CNNM2: variants seen among roughly 807,000 people sequenced by gnomAD.
The protein encoded by CNNM2 is metal transporter CNNM2.
CNNM2 carries 12 observed loss-of-function variants against 66.9 expected under a neutral mutation model. That is an observed-to-expected ratio of 0.18 (90% confidence interval 0.11 to 0.29). The LOEUF (loss-of-function observed/expected upper bound fraction) is 0.29. CNNM2 is among the 10% of genes least tolerant of loss of function. The probability of loss-of-function intolerance (pLI) is 1.00; values close to 1 mark genes in which losing one functional copy is unlikely to be tolerated. For missense variants in CNNM2, 705 were observed against 1,167.7 expected (o/e 0.60, Z 5.77); for synonymous variants, 557 against 501.8 (o/e 1.11, Z -1.47).
At chr10:102,934,719 CT>C (rs1359953446) in intron 1 of CNNM2, among the ~76,000 whole-genome samples, 1 of 152,194 alleles carries the variant, frequency 6.6e-6, no homozygotes, top group Non-Finnish European at 1.5e-5. Context: ...TGGCACGCAC[CT>C]GTAGTCCTGG....
chr10:102,987,223 C>T (rs899477661), intron 1 of CNNM2, among the ~76,000 whole-genome samples: 4 of 152,086 alleles, frequency 2.6e-5, no homozygotes, highest in South Asian at 2.1e-4. Flanking sequence ...TATTCTAAAG[C>T]GGTAGTCCTC....
chr10:103,049,117 A>G (rs1195491414), intron 1 of CNNM2, among the ~76,000 whole-genome samples: 2 of 152,164 alleles, frequency 1.3e-5, no homozygotes, highest in Non-Finnish European at 2.9e-5. Flanking sequence ...AAGCTCTTGG[A>G]TTACAAGAGT....
chr10:102,939,675 A>T (rs1028445738), intron 1 of CNNM2, among the ~76,000 whole-genome samples: 1 of 152,148 alleles, frequency 6.6e-6, no homozygotes, highest in Admixed American at 6.6e-5. Flanking sequence ...GCATGTATTT[A>T]GCATCATAAT....
rs7918903 is a variant in CNNM2 at position 102,929,189 on chromosome 10, G to T, written c.1621+9088G>T. Among the ~76,000 whole-genome samples, 4,167 of 152,180 alleles carry T rather than the reference G, an allele frequency of 0.027. 171 individuals are homozygous for T. The highest frequency in any genetic ancestry group is 0.088 in the African/African-American group (3,659 of 41,504). The stretch of plus-strand genomic sequence containing the variant: ...GTGGGAGAATTGCTTGAACCCAGGG[G>T]GCTGAGGTTGCAGTGAGCCGAGATC... On this transcript the variant is annotated intron_variant, in intron 1 of 7. Coordinates refer to ENST00000369878, the MANE Select transcript of CNNM2 (RefSeq NM_017649.5).
chr10:103,003,654 T>A (rs1164885633), intron 1 of CNNM2, among the ~76,000 whole-genome samples: 1 of 151,896 alleles, frequency 6.6e-6, no homozygotes, highest in Non-Finnish European at 1.5e-5. Flanking sequence ...TGAAACCCTG[T>A]CTCTACTAAA....
chr10:103,071,135 C>T (rs2065573249), intron 5 of CNNM2, among the ~76,000 whole-genome samples: 1 of 152,166 alleles, frequency 6.6e-6, no homozygotes, highest in Non-Finnish European at 1.5e-5. Context: ...TAAGACCTAC[C>T]TGCCCCAGAG....
At chr10:103,002,523 AGGCTG>A in intron 1 of CNNM2, among the ~76,000 whole-genome samples, 1 of 140,160 alleles carries the variant, frequency 7.1e-6, no homozygotes, top group African/African-American at 2.7e-5. Context: ...TTTGTCGCCC[AGGCTG>A]GAGTGCAATG....
In CNNM2 at chr10:103,078,207, G is replaced by A. The variant is rs1244877668; in HGVS notation, c.*1027G>A. ...ACTAGAACATACTTTAACAGAAAAC[G>A]AGTCGGACCTTCTAGCTGCACTCTG... On this transcript the variant is annotated 3_prime_UTR_variant, in exon 8 of 8. Transcript: ENST00000369878. 2 of 152,230 alleles carry A rather than the reference G, an allele frequency of 1.3e-5. No individual in the cohort carries two copies. The highest frequency in any genetic ancestry group is 2.9e-5 in the Non-Finnish European group (2 of 68,052). The allele number at this position is 152,230 out of a possible 1,614,324, so 9.4% of individuals were successfully genotyped here. A position where few individuals can be genotyped will look rare whatever the true frequency, so the allele number is the denominator to read the frequency against.
Position 102,986,279 on chromosome 10 carries a change from G to A in CNNM2, c.1622-63428G>A, listed in dbSNP as rs145691714. Among the ~76,000 whole-genome samples the A allele has an allele frequency of 1.9e-3, 288 of 151,692 alleles. 2 individuals are homozygous for A. Among genetic ancestry groups the A allele is most frequent in the African/African-American group, 6.6e-3 (273 of 41,330 alleles). On this transcript the variant is annotated intron_variant, in intron 1 of 7. Coordinates refer to ENST00000369878, the MANE Select transcript of CNNM2 (RefSeq NM_017649.5). Reference sequence around the variant, plus strand: ...TACTTCTATCTTATTTTTTTGAGGCGGTCTCACTCTGTCACCCAGGCTGGA... The same window carrying A: ...TACTTCTATCTTATTTTTTTGAGGCAGTCTCACTCTGTCACCCAGGCTGGA...
chr10:102,937,847 A>G (rs1209501855), intron 1 of CNNM2, among the ~76,000 whole-genome samples: 3 of 151,302 alleles, frequency 2.0e-5, no homozygotes, highest in Non-Finnish European at 2.9e-5. Flanking sequence ...CTGGTCTCAA[A>G]CTATTGGGCT....
At chr10:102,933,059 A>C (rs1387378865) in intron 1 of CNNM2, among the ~76,000 whole-genome samples, 5 of 152,190 alleles carry the variant, frequency 3.3e-5, no homozygotes, top group Non-Finnish European at 7.3e-5. Flanking sequence ...TGAAATTAGA[A>C]AGTTTGAATC....
rs111247000 is a variant in CNNM2 at position 103,079,594 on chromosome 10, T to G, written c.*2414T>G. On this transcript the variant is annotated 3_prime_UTR_variant, in exon 8 of 8. Coordinates refer to ENST00000369878, the MANE Select transcript of CNNM2 (RefSeq NM_017649.5). ...CTTCAGGGAGAAGCAGACTTCTTAA[T>G]ACTGTCTTACGTGCTCGGTGTGATG... 1.7e-3 allele frequency: 258 copies of G among 152,380 alleles called. 1 individual carries two copies. Among genetic ancestry groups the G allele is most frequent in the Admixed American group, 3.2e-3 (49 of 15,298 alleles). 9.4% of individuals were successfully genotyped at this position (152,380 alleles called of 1,614,324 possible).
Position 103,056,520 on chromosome 10 carries a change from G to A in CNNM2, c.1904-275G>A, listed in dbSNP as rs149407871. The stretch of plus-strand genomic sequence containing the variant: ...AGGAGCCCGCTTGCCGTTGATTTTC[G>A]TTTCTGTCAGTGAAATTAGTGTACT... On this transcript the variant is annotated intron_variant, in intron 3 of 7. Coordinates refer to ENST00000369878, the MANE Select transcript of CNNM2 (RefSeq NM_017649.5). 2.0e-3 allele frequency among the ~76,000 whole-genome samples: 305 copies of A among 152,296 alleles called. 1 individual carries two copies. The highest frequency in any genetic ancestry group is 6.9e-3 in the African/African-American group (285 of 41,556).
At position 102,975,482 on chromosome 10, in the gene CNNM2, A is replaced by AG. The variant is rs974096437; in HGVS notation, c.1621+55381_1621+55382insG. Among the ~76,000 whole-genome samples the AG allele has an allele frequency of 2.4e-4, 36 of 151,538 alleles. No individual in the cohort carries two copies. The East Asian group carries it at 3.7e-3, about 15-fold the overall frequency. ...GGGATGGAATTAGAAAAAAAAAAAA[A>AG]AAAAAACAAACCTCCACAGAGTTAA... On this transcript the variant is annotated intron_variant, in intron 1 of 7. Transcript: ENST00000369878.
rs1370057401 is a variant in CNNM2, at chr10:103,090,179, A to AAGAT, written c.*13002_*13005dup. The stretch of plus-strand genomic sequence containing the variant: ...TTACTTTCTATTTTACAGCAAAAAC[A>AAGAT]AGATAGTCCTGAAACAGATCAGAAT... On this transcript the variant is annotated 3_prime_UTR_variant, in exon 8 of 8. Coordinates refer to ENST00000369878, the MANE Select transcript of CNNM2 (RefSeq NM_017649.5). 11 of 404,236 alleles carry AAGAT rather than the reference A, an allele frequency of 2.7e-5. No individual in the cohort carries two copies. The highest frequency in any genetic ancestry group is 7.7e-5 in the East Asian group (2 of 25,984). 25.0% of individuals were successfully genotyped at this position (404,236 alleles called of 1,614,324 possible). A position where few individuals can be genotyped will look rare whatever the true frequency, so the allele number is the denominator to read the frequency against.
chr10:103,071,922 C>A, intron 6 of CNNM2, 83 bp downstream of exon 6: 1 of 1,190,618 alleles, frequency 8.4e-7, no homozygotes, highest in East Asian at 2.3e-5. Context: ...GGTCTGCTCC[C>A]TTTACCTGGA....
At chr10:102,953,540 G>T (rs1380472267) in intron 1 of CNNM2, among the ~76,000 whole-genome samples, 1 of 151,938 alleles carries the variant, frequency 6.6e-6, no homozygotes, top group Admixed American at 6.6e-5. Context: ...AGGATTACAG[G>T]CATGAGCCAC....
At chr10:103,025,584 G>A (rs1332076707) in intron 1 of CNNM2, among the ~76,000 whole-genome samples, 1 of 152,198 alleles carries the variant, frequency 6.6e-6, no homozygotes, top group East Asian at 1.9e-4. Flanking sequence ...TTCTTCTGAA[G>A]TAGGACCCAG....
intron 1 of CNNM2, among the ~76,000 whole-genome samples, chr10:102,978,543 A>G (rs1359323405): frequency 6.6e-6 from 1 of 152,132 alleles, no homozygotes; most frequent in Non-Finnish European, 1.5e-5. Flanking sequence ...TTATGGCTGT[A>G]CCATTAGCCT....
Sources: gnomAD v4.1 joint callset for allele counts (sites outside exome capture counted in the v4.1 genomes callset) on GRCh38, gnomAD v4.1.1 for gene constraint, MANE v1.5 for transcripts, NCBI Gene and HGNC (gene_info 2026-07-23, HGNC 2026-07-21) for gene names.